Variants in HLA-DRB1 observed in about 807,000 individuals in gnomAD.
The protein encoded by HLA-DRB1 is major histocompatibility complex, class II, DR beta 1 precursor.
HLA-DRB1 carries 10 observed loss-of-function variants against 27.9 expected under a neutral mutation model. That is an observed-to-expected ratio of 0.36 (90% CI 0.22 to 0.61). The LOEUF (loss-of-function observed/expected upper bound fraction) is 0.61. HLA-DRB1 is among the 20% of genes least tolerant of loss of function. The pLI, the probability that HLA-DRB1 is intolerant of heterozygous loss-of-function variation, is 0.73. For missense variants in HLA-DRB1, 118 were observed against 306.3 expected (o/e 0.39, Z 4.59); for synonymous variants, 57 against 126.7 (o/e 0.45, Z 3.69).
In HLA-DRB1 at chr6:32,581,390, G is replaced by A. The variant is rs1775460087; in HGVS notation, c.652+167C>T. Among the ~76,000 whole-genome samples the A allele has an allele frequency of 2.6e-5, 2 of 78,074 alleles. 1 individual carries two copies. Among genetic ancestry groups the A allele is most frequent in the African/African-American group, 1.1e-4 (2 of 17,434 alleles). The allele number at this position is 78,074 out of a possible 152,430, so 51.2% of individuals were successfully genotyped here. A position where few individuals can be genotyped will look rare whatever the true frequency, so the allele number is the denominator to read the frequency against. ...GACTGCTTCTCCAGGAGGTACAGGT[G>A]TTTCTAGAAACACCTACAGGGCTAC... On this transcript the variant is annotated intron_variant, in intron 3 of 5. Transcript: ENST00000360004.
rs1776923914 is a variant in HLA-DRB1, at chr6:32,588,811, T to TTG, written c.100+831_100+832insCA. Among the ~76,000 whole-genome samples, 348 of 77,196 alleles carry TTG rather than the reference T, an allele frequency of 4.5e-3. 15 individuals carry two copies. In the East Asian group the frequency reaches 0.1, roughly 22 times the overall value. The allele number at this position is 77,196 out of a possible 152,430, so 50.6% of individuals were successfully genotyped here. ...CTTAAAAAATAGAATTTCATATAAT[T>TTG]TATACATTAGTTAAATCTCTTCTGT... On this transcript the variant is annotated intron_variant, in intron 1 of 5. Coordinates refer to ENST00000360004, the Ensembl canonical transcript of HLA-DRB1.
intron 1 of HLA-DRB1, among the ~76,000 whole-genome samples, chr6:32,588,380 AGTG>A (rs1561838804): frequency 1.7e-3 from 155 of 93,018 alleles, no homozygotes; most frequent in South Asian, 2.4e-3. Flanking sequence ...CTTGAGCATA[AGTG>A]GCAGAGGTTG....
rs1775206431 is a variant in HLA-DRB1, at chr6:32,580,035, G to A, written c.787+212C>T. On this transcript the variant is annotated intron_variant, in intron 5 of 5. Coordinates refer to ENST00000360004, the Ensembl canonical transcript of HLA-DRB1. ...GGAGAATGGCGTGAACCCGGGAGGC[G>A]GAGCTTGCAGTGAGCCGAGATCCCG... Among the ~76,000 whole-genome samples, 2 of 26,894 alleles carry A rather than the reference G, an allele frequency of 7.4e-5. 1 individual carries two copies. The highest frequency in any genetic ancestry group is 1.5e-4 in the Non-Finnish European group (2 of 13,408). The allele number at this position is 26,894 out of a possible 152,430, so 17.6% of individuals were successfully genotyped here.
intron 2 of HLA-DRB1, among the ~76,000 whole-genome samples, chr6:32,582,139 T>C (rs1391198822): frequency 8.1e-6 from 1 of 123,176 alleles, no homozygotes; most frequent in Non-Finnish European, 1.7e-5. Flanking sequence ...AACTGATATT[T>C]GAGCCAGGTT....
intron 2 of HLA-DRB1, among the ~76,000 whole-genome samples, chr6:32,583,218 G>T (rs9269889): frequency 0.47 from 19,619 of 42,010 alleles, 8,537 homozygotes; most frequent in Non-Finnish European, 0.5. Flanking sequence ...AATAAATAGG[G>T]CAAAATAATT....
At chr6:32,582,363 C>CCG (rs1317031955) in intron 2 of HLA-DRB1, among the ~76,000 whole-genome samples, 2 of 122,812 alleles carry the variant, frequency 1.6e-5, no homozygotes, top group Admixed American at 8.2e-5. Context: ...CTCCATTCCA[C>CCG]TGTGAGGGCA....
chr6:32,584,724 C>CCCT (rs1776143975), intron 1 of HLA-DRB1, among the ~76,000 whole-genome samples: 1 of 85,182 alleles, frequency 1.2e-5, no homozygotes, highest in Non-Finnish European at 2.3e-5. Flanking sequence ...ACTCTCTGCT[C>CCCT]CTCTCATCCC....
chr6:32,581,312 C>T (rs9269788), intron 3 of HLA-DRB1, among the ~76,000 whole-genome samples: 7,273 of 59,238 alleles, frequency 0.12, 409 homozygotes, highest in Middle Eastern at 0.23. Flanking sequence ...CCCTGACCTG[C>T]AAAATCATGG....
At chr6:32,583,050 G>C (rs1435689207) in intron 2 of HLA-DRB1, among the ~76,000 whole-genome samples, 1 of 134,048 alleles carries the variant, frequency 7.5e-6, no homozygotes, top group Non-Finnish European at 1.6e-5. Flanking sequence ...AGCAAATGCT[G>C]GATCAAATAT....
chr6:32,584,186 T>G (rs17882450), exon 2 of HLA-DRB1: 1 of 1,288,516 alleles, frequency 7.8e-7, no homozygotes, highest in South Asian at 1.2e-5. Flanking sequence ...CCGCGCCTGC[T>G]CCAGGATGTC....
At position 32,584,002 on chromosome 6, in the gene HLA-DRB1, CTCTCTG is replaced by C. The variant is rs1455592976; in HGVS notation, c.370+101_370+106del. The C allele has an allele frequency of 7.3e-5, 27 of 368,338 alleles. 2 individuals carry two copies. The African/African-American group carries it at 1.7e-3, about 24-fold the overall frequency. 22.8% of individuals were successfully genotyped at this position (368,338 alleles called of 1,614,324 possible). On this transcript the variant is annotated intron_variant, in intron 2 of 5. Transcript: ENST00000360004. ...TCTCTCTCTCTTCCTCTCTCTGTCT[CTCTCTG>C]TCTCTCTCTCACACACACACACACA... is the stretch of plus-strand genomic sequence containing the variant.
chr6:32,585,377 C>T (rs1776249892), intron 1 of HLA-DRB1, among the ~76,000 whole-genome samples: 1 of 130,994 alleles, frequency 7.6e-6, no homozygotes, highest in South Asian at 2.9e-4. Context: ...ATCTCTTCTA[C>T]TTGGGTCAAT....
At chr6:32,584,227 C>G in exon 2 of HLA-DRB1, 1 of 1,497,874 alleles carries the variant, frequency 6.7e-7, no homozygotes, top group East Asian at 2.3e-5. Context: ...CAGCGTCAGG[C>G]CGCCCCAGCT....
intron 1 of HLA-DRB1, among the ~76,000 whole-genome samples, chr6:32,589,202 A>G (rs28366201): frequency 0.22 from 22,183 of 103,116 alleles, 963 homozygotes; most frequent in Middle Eastern, 0.29. Context: ...GCCAACACCA[A>G]AGGTCCTGTG....
At chr6:32,584,684 G>A (rs36177427) in intron 1 of HLA-DRB1, among the ~76,000 whole-genome samples, 30,638 of 117,286 alleles carry the variant, frequency 0.26, 1,838 homozygotes, top group East Asian at 0.32. Context: ...ACCGCAGCCC[G>A]CGCCGCCTCC....
intron 1 of HLA-DRB1, 96 bp from the exon 2 acceptor site, chr6:32,584,474 GCT>G: frequency 1.6e-6 from 1 of 633,126 alleles, no homozygotes; most frequent in Non-Finnish European, 2.5e-6. Context: ...GGGTGCGGGC[GCT>G]GGAACCTTAA....
exon 2 of HLA-DRB1, chr6:32,584,170 C>A (rs17880261): frequency 3.5e-6 from 4 of 1,148,660 alleles, no homozygotes; most frequent in Non-Finnish European, 2.4e-6. Context: ...AGGTGTCCAC[C>A]GCGGCCCGCG....
At chr6:32,585,685 A>G (rs879740805) in intron 1 of HLA-DRB1, among the ~76,000 whole-genome samples, 12 of 114,152 alleles carry the variant, frequency 1.1e-4, no homozygotes, top group East Asian at 2.7e-4. Flanking sequence ...GGGCAGAAAC[A>G]CTGGTTTATG....
Position 32,584,015 on chromosome 6 carries a change from TCTCA to T in HLA-DRB1, c.370+90_370+93del, listed in dbSNP as rs1178427108. 66 of 267,934 alleles carry T rather than the reference TCTCA, an allele frequency of 2.5e-4. 8 individuals carry two copies. Among genetic ancestry groups the T allele is most frequent in the Middle Eastern group, 1.6e-3 (1 of 614 alleles). 16.6% of individuals were successfully genotyped at this position (267,934 alleles called of 1,614,324 possible). A position where few individuals can be genotyped will look rare whatever the true frequency, so the allele number is the denominator to read the frequency against. On this transcript the variant is annotated intron_variant, in intron 2 of 5. Coordinates refer to ENST00000360004, the Ensembl canonical transcript of HLA-DRB1. ...CTCTCTCTGTCTCTCTCTGTCTCTCTCTCACACACACACACACACACACACACAC... is the reference window on the plus strand; with the variant it reads ...CTCTCTCTGTCTCTCTCTGTCTCTCTCACACACACACACACACACACACAC...
Sources: allele counts gnomAD v4.1 joint callset (sites outside exome capture counted in the v4.1 genomes callset), GRCh38; gene constraint gnomAD v4.1.1; transcripts MANE v1.5; gene names NCBI Gene and HGNC (gene_info 2026-07-23, HGNC 2026-07-21).